The following MLLT10 variants were observed in gnomAD, a reference collection of about 807,000 sequenced individuals.
MLLT10 encodes the protein protein AF-10.
MLLT10 carries 30 observed loss-of-function variants against 129.1 expected under a neutral mutation model. That is an observed-to-expected ratio of 0.23 (90% confidence interval 0.17 to 0.32). The LOEUF is 0.32. MLLT10 is among the 10% of genes least tolerant of loss of function. The probability of loss-of-function intolerance (pLI) is 1.00; values close to 1 mark genes in which losing one functional copy is unlikely to be tolerated. For missense variants in MLLT10, 1,119 were observed against 1,268.3 expected (o/e 0.88, Z 1.79); for synonymous variants, 490 against 446.4 (o/e 1.10, Z -1.23).
intron 14 of MLLT10, among the ~76,000 whole-genome samples, chr10:21,724,242 G>A (rs759436463): frequency 7.9e-5 from 12 of 152,186 alleles, no homozygotes; most frequent in South Asian, 2.1e-4. Context: ...TAAAATACAC[G>A]CTTTGAGATA....
Position 21,589,316 on chromosome 10 carries a change from A to G in MLLT10, c.295+2968A>G, listed in dbSNP as rs540809896. Among the ~76,000 whole-genome samples the G allele has an allele frequency of 8.2e-5, 12 of 146,540 alleles. No homozygotes were observed. The East Asian group carries it at 2.2e-3, about 26-fold the overall frequency. ...GTTATTAGTTAGAAAGGCCTTCACTATTCCAAAGTTTTTTTTTTTTTTTTT... is the reference window on the plus strand; with the variant it reads ...GTTATTAGTTAGAAAGGCCTTCACTGTTCCAAAGTTTTTTTTTTTTTTTTT... On this transcript the variant is annotated intron_variant, in intron 4 of 22. Transcript: ENST00000307729.
In MLLT10 at chr10:21,681,187, A is replaced by G. The variant is rs1564636722; in HGVS notation, c.1622-145A>G. 5 of 886,792 alleles carry G rather than the reference A, an allele frequency of 5.6e-6. No homozygotes were observed. The East Asian group carries it at 1.2e-4, about 22-fold the overall frequency. 54.9% of individuals were successfully genotyped at this position (886,792 alleles called of 1,614,324 possible). Reference sequence around the variant, plus strand: ...CCCCTCATGTCCCAATTATTAGCTTATAATTTTTGTTTTTGAAGTTCTAGG... The same window carrying G: ...CCCCTCATGTCCCAATTATTAGCTTGTAATTTTTGTTTTTGAAGTTCTAGG... On this transcript the variant is annotated intron_variant, in intron 11 of 22. Transcript: ENST00000307729.
intron 4 of MLLT10, among the ~76,000 whole-genome samples, chr10:21,588,489 G>A (rs1371994591): frequency 6.6e-6 from 1 of 151,930 alleles, no homozygotes. Flanking sequence ...ACTCTTGTAT[G>A]TATGTCATTT....
chr10:21,572,460 T>C (rs1036069765), intron 3 of MLLT10, among the ~76,000 whole-genome samples: 1 of 152,194 alleles, frequency 6.6e-6, no homozygotes, highest in Non-Finnish European at 1.5e-5. Context: ...CTTGAGTCTG[T>C]TGATCAGTTT....
chr10:21,726,118 C>G, intron 14 of MLLT10, 126 bp from the exon 15 acceptor site: 2 of 648,796 alleles, frequency 3.1e-6, no homozygotes, highest in East Asian at 3.0e-5. Context: ...ATTTGCTTTT[C>G]AGAAGGTCAC....
intron 11 of MLLT10, among the ~76,000 whole-genome samples, chr10:21,677,471 C>T (rs1354492777): frequency 6.6e-6 from 1 of 152,132 alleles, no homozygotes; most frequent in Non-Finnish European, 1.5e-5. Flanking sequence ...TGTTATAAAA[C>T]GTCATAGTAT....
At chr10:21,555,616 G>A (rs549854075) in intron 3 of MLLT10, among the ~76,000 whole-genome samples, 5 of 151,356 alleles carry the variant, frequency 3.3e-5, no homozygotes, top group African/African-American at 7.3e-5. Context: ...CCTGTCTTTC[G>A]TGTTAGTGAC....
rs201717272 is a variant in MLLT10, at chr10:21,717,918, T to C, written c.1878+3968T>C. ...TCCTCCTCCTCCTCCTCCTTCTCCT[T>C]CTCCTTCTTCTTCTCCTTCTTTTCT... is the stretch of plus-strand genomic sequence containing the variant. On this transcript the variant is annotated intron_variant, in intron 14 of 22. Transcript: ENST00000307729. Among the ~76,000 whole-genome samples the C allele has an allele frequency of 1.8e-3, 184 of 100,484 alleles. 2 individuals are homozygous for C. In the East Asian group the frequency reaches 0.028, roughly 15 times the overall value. 65.9% of individuals were successfully genotyped at this position (100,484 alleles called of 152,430 possible).
chr10:21,673,355 T>G lies in MLLT10; in HGVS notation c.1057T>G (p.Phe353Val). The G allele has an allele frequency of 7.7e-7, 1 of 1,302,684 alleles. No individual in the cohort carries two copies. The highest frequency in any genetic ancestry group is 1.0e-6 in the Non-Finnish European group (1 of 1,003,548). The allele number at this position is 1,302,684 out of a possible 1,614,324, so 80.7% of individuals were successfully genotyped here. The change falls in exon 11 of 23, where the codon TTT becomes GTT. Residue 353 changes from phenylalanine to valine, a missense_variant. Around this residue, in one of 5 missense-constraint regions of MLLT10, gnomAD observed 1,004 missense variants for 1,008.7 expected, o/e 1.00. Coordinates refer to ENST00000307729, the MANE Select transcript of MLLT10 (RefSeq NM_001195626.3). ...SAASPFPQGSFSGTPGSVKSS... is the reference protein window; with the variant it reads ...SAASPFPQGSVSGTPGSVKSS... ...TTTTTTTTTTTAAACTACAGGCAGT[T>G]TTTCAGGAACTCCAGGCAGTGTAAA...
chr10:21,559,890 A>G (rs1056937164), intron 3 of MLLT10, among the ~76,000 whole-genome samples: 17 of 151,320 alleles, frequency 1.1e-4, no homozygotes, highest in African/African-American at 3.4e-4. Flanking sequence ...CCTTTTTGCT[A>G]TTGTGAATAA....
At chr10:21,545,856 A>G (rs968034072) in intron 3 of MLLT10, among the ~76,000 whole-genome samples, 1 of 152,052 alleles carries the variant, frequency 6.6e-6, no homozygotes, top group Admixed American at 6.6e-5. Flanking sequence ...TGGTAAAGAT[A>G]AGGTCTTGTT....
chr10:21,687,784 A>G (rs1370859475), intron 13 of MLLT10, among the ~76,000 whole-genome samples: 1 of 152,220 alleles, frequency 6.6e-6, no homozygotes, highest in Non-Finnish European at 1.5e-5. Context: ...CCTAGACCTT[A>G]GAATTGCTGT....
In MLLT10 at chr10:21,552,029, T is replaced by G. The variant is rs2037136135; in HGVS notation, c.240+13117T>G. ...CTGGTCTCGAGCTTCTGACCTCAGG[T>G]CATCCTCCCACCTCAACCTCTCAGG... On this transcript the variant is annotated intron_variant, in intron 3 of 22. Transcript: ENST00000307729. 3 of 236,910 alleles carry G rather than the reference T, an allele frequency of 1.3e-5. No homozygotes were observed. The Admixed American group carries it at 1.6e-4, about 13-fold the overall frequency. 14.7% of individuals were successfully genotyped at this position (236,910 alleles called of 1,614,324 possible).
At chr10:21,645,986 C>T (rs1450018510) in intron 8 of MLLT10, among the ~76,000 whole-genome samples, 3 of 152,150 alleles carry the variant, frequency 2.0e-5, no homozygotes, top group African/African-American at 4.8e-5. Flanking sequence ...AGGCAGATCA[C>T]TTGAGGCCCG....
rs1182518424 is a variant in MLLT10 at position 21,586,192 on chromosome 10, ATGC to A, written c.241-97_241-95del. On this transcript the variant is annotated intron_variant, in intron 3 of 22. Transcript: ENST00000307729. ...TATTCTTGGGGGGCAACTAGGACAA[ATGC>A]TGCTCTCACATTTTCAGTAGTTTTG... is the stretch of plus-strand genomic sequence containing the variant. 227 of 896,704 alleles carry A rather than the reference ATGC, an allele frequency of 2.5e-4. 1 individual carries two copies. The South Asian group carries it at 2.6e-3, about 10-fold the overall frequency. The allele number at this position is 896,704 out of a possible 1,614,324, so 55.5% of individuals were successfully genotyped here.
chr10:21,677,773 A>G (rs2052333281), intron 11 of MLLT10, among the ~76,000 whole-genome samples: 1 of 152,208 alleles, frequency 6.6e-6, no homozygotes. Flanking sequence ...TGTTTTTAAA[A>G]GATTGACTTT....
At chr10:21,533,879 C>T (rs1425230087), upstream of MLLT10, among the ~76,000 whole-genome samples, 2 of 152,200 alleles carry the variant, frequency 1.3e-5, no homozygotes, top group African/African-American at 4.8e-5. Flanking sequence ...CCCCCGGGGA[C>T]TCCCCTCTGG....
chr10:21,733,742 TTA>T (rs1257732337), intron 19 of MLLT10, 24 bp from the exon 20 acceptor site: 25 of 1,581,628 alleles, frequency 1.6e-5, no homozygotes, highest in Non-Finnish European at 2.1e-5. Flanking sequence ...TCCAGTGGAC[TTA>T]GTTTCTCTTC....
At chr10:21,733,383 A>C in intron 18 of MLLT10, 121 bp from the exon 19 acceptor site, 1 of 623,126 alleles carries the variant, frequency 1.6e-6, no homozygotes, top group Non-Finnish European at 2.5e-6. Flanking sequence ...GAATAGCAAG[A>C]CTAGATATTT....
Sources: allele counts gnomAD v4.1 joint callset (sites outside exome capture counted in the v4.1 genomes callset), GRCh38; gene constraint gnomAD v4.1.1; regional missense constraint gnomAD v4.1.1; transcripts MANE v1.5; gene names NCBI Gene and HGNC (gene_info 2026-07-23, HGNC 2026-07-21).